The following PCDH7 variants were observed in gnomAD, a reference collection of about 807,000 sequenced individuals.
PCDH7 encodes the protein protocadherin-7.
A neutral mutation model predicts 58.9 loss-of-function variants in PCDH7; 17 were observed. That is an observed-to-expected ratio of 0.29 (90% CI 0.20 to 0.43). The LOEUF (loss-of-function observed/expected upper bound fraction) is 0.43, where lower values mean the gene tolerates loss of function less well. Ranked by LOEUF, PCDH7 falls within the 20% of genes least tolerant of loss-of-function variation. PCDH7 has a pLI of 1.00. For synonymous variants in PCDH7, 664 were observed against 616.4 expected, an observed-to-expected ratio of 1.08 and a Z score of -1.14; for missense variants, 1,274 against 1,441.0, an observed-to-expected ratio of 0.88 and a Z score of 1.88.
intron 1 of PCDH7, among the ~76,000 whole-genome samples, chr4:30,837,029 GAA>G (rs915317167): frequency 2.0e-5 from 3 of 152,080 alleles, no homozygotes; most frequent in African/African-American, 7.2e-5. Flanking sequence ...CAGTATTTTT[GAA>G]AAGAGAGTAC....
At chr4:30,828,817 T>C (rs1482958088) in intron 1 of PCDH7, among the ~76,000 whole-genome samples, 4 of 152,060 alleles carry the variant, frequency 2.6e-5, no homozygotes, top group South Asian at 2.1e-4. Flanking sequence ...CAGTTTGCCT[T>C]TACCTTGGCC....
chr4:30,736,091 T>C (rs1281011821), downstream of PCDH7, among the ~76,000 whole-genome samples: 1 of 152,200 alleles, frequency 6.6e-6, no homozygotes, highest in Non-Finnish European at 1.5e-5. Context: ...TAGACAAGTA[T>C]AGTAAAAATA....
chr4:31,117,401 A>G (rs1384472977), intron 3 of PCDH7, among the ~76,000 whole-genome samples: 1 of 152,092 alleles, frequency 6.6e-6, no homozygotes, highest in African/African-American at 2.4e-5. Flanking sequence ...TACATTGAGT[A>G]ACACGTTCAA....
At chr4:31,084,335 A>AT (rs1560210083) in intron 3 of PCDH7, among the ~76,000 whole-genome samples, 1 of 152,122 alleles carries the variant, frequency 6.6e-6, no homozygotes, top group Admixed American at 6.5e-5. Context: ...CAGGAATTTA[A>AT]TTTTTCTGCA....
intron 3 of PCDH7, among the ~76,000 whole-genome samples, chr4:30,978,974 A>G (rs1287750694): frequency 6.6e-6 from 1 of 152,158 alleles, no homozygotes; most frequent in Non-Finnish European, 1.5e-5. Flanking sequence ...CAAAACCACA[A>G]AGAAACCATG....
At chr4:30,994,381 C>G (rs114168518) in intron 3 of PCDH7, among the ~76,000 whole-genome samples, 80 of 152,218 alleles carry the variant, frequency 5.3e-4, no homozygotes, top group African/African-American at 1.9e-3. Context: ...TTTGTTGTAC[C>G]TGTGCTTTGA....
intron 3 of PCDH7, among the ~76,000 whole-genome samples, chr4:31,115,883 A>G (rs1716928173): frequency 6.6e-6 from 1 of 152,210 alleles, no homozygotes; most frequent in Non-Finnish European, 1.5e-5. Flanking sequence ...TCCAAAACAG[A>G]TAAGAAAAAC....
intron 3 of PCDH7, among the ~76,000 whole-genome samples, chr4:31,130,586 A>C (rs1193118936): frequency 6.6e-6 from 1 of 152,178 alleles, no homozygotes; most frequent in Non-Finnish European, 1.5e-5. Flanking sequence ...AAGGCAATGA[A>C]AATTTATTTA....
chr4:31,004,937 A>G (rs1560570452), intron 3 of PCDH7, among the ~76,000 whole-genome samples: 1 of 152,152 alleles, frequency 6.6e-6, no homozygotes, highest in African/African-American at 2.4e-5. Context: ...TAGTATAAGT[A>G]GCGGTCAAAA....
rs75360721 is a variant in PCDH7, at chr4:30,871,014, C to T, written c.71-49139C>T. ...TTATTTGGCTCTTCTGTGAGGTTTG[C>T]GCTGATGGCAAATGTTGTTTGAGTT... On this transcript the variant is annotated intron_variant, in intron 1 of 3. Coordinates refer to the PCDH7 transcript ENST00000509759. Among the ~76,000 whole-genome samples, 1,408 of 152,068 alleles carry T rather than the reference C, an allele frequency of 9.3e-3. 26 individuals are homozygous for T. The highest frequency in any genetic ancestry group is 0.032 in the African/African-American group (1,339 of 41,512).
intron 3 of PCDH7, among the ~76,000 whole-genome samples, chr4:31,066,472 T>C (rs1758104399): frequency 6.6e-6 from 1 of 151,954 alleles, no homozygotes; most frequent in Non-Finnish European, 1.5e-5. Context: ...TCACACTTAA[T>C]GCAAACAAAA....
chr4:30,852,514 T>G (rs923617752), intron 1 of PCDH7, among the ~76,000 whole-genome samples: 1 of 152,036 alleles, frequency 6.6e-6, no homozygotes, highest in African/African-American at 2.4e-5. Context: ...TGAAGTAGTC[T>G]TGAGTTATTA....
At chr4:30,930,107 G>A (rs769881854) in intron 2 of PCDH7, among the ~76,000 whole-genome samples, 2 of 152,146 alleles carry the variant, frequency 1.3e-5, no homozygotes, top group Non-Finnish European at 2.9e-5. Context: ...AAAAGTAAAG[G>A]CATGAGAGGC....
chr4:30,989,630 C>A (rs1317610315), intron 3 of PCDH7, among the ~76,000 whole-genome samples: 1 of 152,154 alleles, frequency 6.6e-6, no homozygotes, highest in African/African-American at 2.4e-5. Flanking sequence ...CTAACCTCTC[C>A]TTTTGCCTAC....
downstream of PCDH7, chr4:31,145,776 T>C (rs906535106): frequency 6.6e-6 from 1 of 152,112 alleles, no homozygotes; most frequent in Non-Finnish European, 1.5e-5. Flanking sequence ...TTATTGTAAG[T>C]GTAACACAGA....
At chr4:30,748,427 G>A (rs974254910) in intron 1 of PCDH7, among the ~76,000 whole-genome samples, 4 of 152,146 alleles carry the variant, frequency 2.6e-5, no homozygotes, top group Non-Finnish European at 4.4e-5. Flanking sequence ...CATGATACAG[G>A]CATTTAGAGA....
At chr4:30,844,235 G>T (rs1432329129) in intron 1 of PCDH7, among the ~76,000 whole-genome samples, 2 of 152,150 alleles carry the variant, frequency 1.3e-5, no homozygotes, top group Non-Finnish European at 2.9e-5. Context: ...TCAACAATAC[G>T]ATCCCAAACT....
chr4:31,113,787 C>T (rs752765048), intron 3 of PCDH7, among the ~76,000 whole-genome samples: 1 of 149,868 alleles, frequency 6.7e-6, no homozygotes, highest in Non-Finnish European at 1.5e-5. Flanking sequence ...TTAATGTTAA[C>T]ATTTAATTTA....
In PCDH7 at chr4:30,771,643, T is replaced by A. The variant is rs149218039; in HGVS notation, c.70+47047T>A. Among the ~76,000 whole-genome samples the A allele has an allele frequency of 4.6e-3, 700 of 152,328 alleles. 5 individuals are homozygous for A. Among genetic ancestry groups the A allele is most frequent in the African/African-American group, 0.016 (662 of 41,558 alleles). ...TTTTGCAAGAAGACTCTCAGATTAA[T>A]CATTCCAGAAAATATTTTGTAACTT... On this transcript the variant is annotated intron_variant, in intron 1 of 3. Coordinates refer to the PCDH7 transcript ENST00000509759.
Sources: allele counts gnomAD v4.1 joint callset (sites outside exome capture counted in the v4.1 genomes callset), GRCh38; gene constraint gnomAD v4.1.1; transcripts MANE v1.5; gene names NCBI Gene and HGNC (gene_info 2026-07-23, HGNC 2026-07-21).